RPRD1A: variants seen among roughly 807,000 people sequenced by gnomAD.
RPRD1A encodes the protein regulation of nuclear pre-mRNA domain containing 1A.
RPRD1A carries 9 observed loss-of-function variants against 37.8 expected under a neutral mutation model. The ratio of observed to expected loss-of-function variants is 0.24; its 90% CI spans 0.14 to 0.42. The LOEUF (loss-of-function observed/expected upper bound fraction) is 0.42, where lower values mean the gene tolerates loss of function less well. Ranked by LOEUF, RPRD1A falls within the 10% of genes least tolerant of loss-of-function variation. The pLI is 1.00. For synonymous variants in RPRD1A, 138 were observed against 139.7 expected (o/e 0.99, Z 0.08); for missense variants, 255 against 371.0 (o/e 0.69, Z 2.57).
intron 6 of RPRD1A, among the ~76,000 whole-genome samples, chr18:36,016,332 CCT>C (rs767429215): frequency 4.6e-5 from 7 of 152,182 alleles, no homozygotes; most frequent in Non-Finnish European, 7.3e-5. Context: ...AAGCGATTCT[CCT>C]GTCTTAGCCT....
rs140878085 is a variant in RPRD1A, at chr18:36,008,651, C to A, written c.790-15351G>T. Among the ~76,000 whole-genome samples the A allele has an allele frequency of 7.7e-5, 11 of 142,762 alleles. No individual in the cohort carries two copies. In the East Asian group the frequency reaches 2.2e-3, roughly 29 times the overall value. 93.7% of individuals were successfully genotyped at this position (142,762 alleles called of 152,430 possible). ...CTCATGGTATATCAATTTTGATATA[C>A]TGAAATTCTGTATGTTTTTATACCC... On this transcript the variant is annotated intron_variant, in intron 6 of 6. Transcript: ENST00000399022.
At chr18:35,994,109 C>A (rs1299944734) in intron 6 of RPRD1A, among the ~76,000 whole-genome samples, 1 of 152,146 alleles carries the variant, frequency 6.6e-6, no homozygotes, top group Non-Finnish European at 1.5e-5. Flanking sequence ...AAAAGCTTCC[C>A]ACTATACCCA....
rs1308186217 is a variant in RPRD1A, at chr18:36,031,092, G to C, written c.287C>G (p.Thr96Ser). 1.3e-6 allele frequency: 2 copies of C among 1,486,472 alleles called. No homozygotes were observed. The highest frequency in any genetic ancestry group is 1.5e-5 in the African/African-American group (1 of 66,514). 92.1% of individuals were successfully genotyped at this position (1,486,472 alleles called of 1,614,324 possible). Residue 96 changes from threonine to serine, a missense_variant, in exon 3 of 7, where the codon ACT (threonine) becomes AGT (serine). Physicochemically the swap from Thr to Ser is moderately conservative, Grantham distance 58. This residue lies in a region of RPRD1A where 211 missense variants were observed against 268.9 expected (regional missense o/e 0.78). Coordinates refer to ENST00000399022, the MANE Select transcript of RPRD1A (RefSeq NM_018170.5). ...VEAFKHVSSE[T>S]DESCKKHLGR... ...AAGGTGCTTCTTACAACTTTCATCAGTTTCACTAAAAAAAAAAAAAAAGAA... is the reference window on the plus strand; with the variant it reads ...AAGGTGCTTCTTACAACTTTCATCACTTTCACTAAAAAAAAAAAAAAAGAA...
At chr18:36,002,737 T>C (rs1021621370) in intron 6 of RPRD1A, among the ~76,000 whole-genome samples, 1 of 152,242 alleles carries the variant, frequency 6.6e-6, no homozygotes, top group Non-Finnish European at 1.5e-5. Context: ...ACTTGCTTTC[T>C]CTCTTCAGGC....
intron 6 of RPRD1A, among the ~76,000 whole-genome samples, chr18:36,018,029 T>C (rs983971953): frequency 2.0e-5 from 3 of 152,324 alleles, no homozygotes; most frequent in Non-Finnish European, 2.9e-5. Flanking sequence ...AAGACGATAA[T>C]TTACTCCTTT....
chr18:35,996,977 C>CAA lies in RPRD1A; in HGVS notation c.790-3679_790-3678dup, dbSNP rs200694089. ...TAGGCAATAGAGTGAGACCCTGTCT[C>CAA]AAAAAAAAAAAAAAAAAAAAAAAAA... is the stretch of plus-strand genomic sequence containing the variant. On this transcript the variant is annotated intron_variant, in intron 6 of 6. Transcript: ENST00000399022. 8.8e-3 allele frequency among the ~76,000 whole-genome samples: 491 copies of CAA among 55,584 alleles called. 59 individuals are homozygous for CAA. Among genetic ancestry groups the CAA allele is most frequent in the African/African-American group, 0.028 (367 of 13,308 alleles). 36.5% of individuals were successfully genotyped at this position (55,584 alleles called of 152,430 possible).
At chr18:36,002,553 T>C (rs1196598146) in intron 6 of RPRD1A, among the ~76,000 whole-genome samples, 5 of 152,270 alleles carry the variant, frequency 3.3e-5, no homozygotes, top group Admixed American at 1.3e-4. Context: ...TAATTTTTTT[T>C]CCCCTAGCAT....
Position 36,020,444 on chromosome 18 carries a change from T to C in RPRD1A, c.789+6456A>G, listed in dbSNP as rs185771114. 3.9e-4 allele frequency among the ~76,000 whole-genome samples: 60 copies of C among 152,342 alleles called. 1 individual carries two copies. The highest frequency in any genetic ancestry group is 1.4e-3 in the African/African-American group (59 of 41,584). On this transcript the variant is annotated intron_variant, in intron 6 of 6. Coordinates refer to ENST00000399022, the MANE Select transcript of RPRD1A (RefSeq NM_018170.5). ...TGAATGGCCTTGGACAGAAGGCTTA[T>C]AGATAATATTCAGAAATCATCAAAG...
chr18:36,018,637 A>C (rs1910771739), intron 6 of RPRD1A, among the ~76,000 whole-genome samples: 1 of 152,226 alleles, frequency 6.6e-6, no homozygotes, highest in African/African-American at 2.4e-5. Flanking sequence ...ACCAGGAGAC[A>C]GAAACTACTC....
chr18:36,031,912 A>ACAC (rs1158663240), intron 2 of RPRD1A, among the ~76,000 whole-genome samples: 2 of 152,210 alleles, frequency 1.3e-5, no homozygotes, highest in African/African-American at 4.8e-5. Context: ...GTCCCTCAGT[A>ACAC]CACACTCCCT....
chr18:36,011,123 T>C (rs1910152554), intron 6 of RPRD1A, among the ~76,000 whole-genome samples: 1 of 152,206 alleles, frequency 6.6e-6, no homozygotes, highest in Non-Finnish European at 1.5e-5. Flanking sequence ...CTAAAACCTC[T>C]GAGGTATTTA....
Position 36,033,800 on chromosome 18 carries a change from G to A in RPRD1A, c.189C>T (p.Ala63=). Residue 63 remains alanine (A), a synonymous_variant, in exon 2 of 7, where the codon GCC becomes GCT. Coordinates refer to ENST00000399022, the MANE Select transcript of RPRD1A (RefSeq NM_018170.5). ...TCTTGCTGTTCTGTATGACATCATT[G>A]GCTAGGTAGAGAAAAGTAAGCTTCC... ...PNRKLTFLYL[A]NDVIQNSKRK... 1 of 1,612,144 alleles carries A rather than the reference G, an allele frequency of 6.2e-7. No homozygotes were observed.
At chr18:36,023,917 A>T (rs574368651) in intron 6 of RPRD1A, among the ~76,000 whole-genome samples, 9 of 152,368 alleles carry the variant, frequency 5.9e-5, no homozygotes, top group African/African-American at 2.2e-4. Context: ...AGACAACAGT[A>T]AAGTTGTAAA....
intron 4 of RPRD1A, chr18:36,027,532 A>T (rs554922292): frequency 2.2e-6 from 1 of 454,534 alleles, no homozygotes; most frequent in Non-Finnish European, 3.9e-6. Context: ...TAGACCTTGA[A>T]GAGAGCTTAC....
intron 1 of RPRD1A, among the ~76,000 whole-genome samples, chr18:36,047,378 G>A (rs1488418793): frequency 6.6e-6 from 1 of 152,026 alleles, no homozygotes; most frequent in Non-Finnish European, 1.5e-5. Flanking sequence ...AAAAGACACA[G>A]TCTCAAATCA....
Position 36,030,849 on chromosome 18 carries a change from C to T in RPRD1A, c.445G>A (p.Glu149Lys). ...TYEQIKVDEN[E>K]NCSSLGSPSE... ...GGAGATCCCAGAGAGGAACAGTTTT[C>T]ATTTTCATCCACCTTTATCTGTTCA... Residue 149 changes from glutamate to lysine, a missense_variant, in exon 4 of 7, where the codon GAA becomes AAA. This residue lies in a region of RPRD1A where 211 missense variants were observed against 268.9 expected (regional missense o/e 0.78). Transcript: ENST00000399022. 6.2e-7 allele frequency: 1 copy of T among 1,613,452 alleles called. No individual in the cohort carries two copies. The highest frequency in any genetic ancestry group is 1.7e-5 in the Admixed American group (1 of 59,968).
At chr18:36,053,352 T>C (rs1395271059) in intron 1 of RPRD1A, among the ~76,000 whole-genome samples, 3 of 152,180 alleles carry the variant, frequency 2.0e-5, no homozygotes, top group African/African-American at 7.2e-5. Context: ...CTCTTCACTG[T>C]AGCCCCCGGA....
intron 1 of RPRD1A, among the ~76,000 whole-genome samples, chr18:36,051,241 C>CA (rs950017472): frequency 1.3e-5 from 2 of 151,986 alleles, no homozygotes; most frequent in Non-Finnish European, 2.9e-5. Flanking sequence ...CAAGTAAGGA[C>CA]AAAAAAGCCT....
At chr18:36,055,007 G>A (rs184118941) in intron 1 of RPRD1A, among the ~76,000 whole-genome samples, 1 of 152,286 alleles carries the variant, frequency 6.6e-6, no homozygotes, top group East Asian at 1.9e-4. Context: ...TTCTCAGTCT[G>A]ATTTAAATGT....
Sources: allele counts gnomAD v4.1 joint callset (sites outside exome capture counted in the v4.1 genomes callset), GRCh38; gene constraint gnomAD v4.1.1; regional missense constraint gnomAD v4.1.1; transcripts MANE v1.5; gene names NCBI Gene and HGNC (gene_info 2026-07-23, HGNC 2026-07-21).